Variants in MDGA2 observed in about 807,000 individuals in gnomAD.
MDGA2 encodes MAM domain containing glycosylphosphatidylinositol anchor 2.
In MDGA2, 40 loss-of-function variants were observed where a neutral mutation model predicts 117.8. The observed-to-expected ratio is 0.34, with a 90% CI of 0.26 to 0.44. MDGA2 has a LOEUF of 0.44. Ranked by LOEUF, MDGA2 falls within the 20% of genes least tolerant of loss-of-function variation. The pLI is 1.00. For synonymous variants in MDGA2, 452 were observed against 439.0 expected (o/e 1.03, Z -0.37); for missense variants, 1,123 against 1,250.6 (o/e 0.90, Z 1.54).
intron 1 of MDGA2, among the ~76,000 whole-genome samples, chr14:47,317,479 T>A (rs1889842763): frequency 6.6e-6 from 1 of 152,268 alleles, no homozygotes; most frequent in East Asian, 1.9e-4. Flanking sequence ...AGATGGAGAC[T>A]GCTGACAATG....
chr14:46,894,770 A>C (rs898991718), intron 10 of MDGA2, among the ~76,000 whole-genome samples: 4 of 152,200 alleles, frequency 2.6e-5, no homozygotes, highest in Non-Finnish European at 5.9e-5. Flanking sequence ...GCAAAACAAC[A>C]TTGAAAACCA....
At chr14:47,093,166 C>A (rs1879766101) in intron 6 of MDGA2, among the ~76,000 whole-genome samples, 1 of 151,858 alleles carries the variant, frequency 6.6e-6, no homozygotes, top group Non-Finnish European at 1.5e-5. Flanking sequence ...AGCTCTCCAG[C>A]CAAAGTGGAC....
chr14:47,550,696 A>G (rs1050768886), intron 1 of MDGA2, among the ~76,000 whole-genome samples: 1 of 152,166 alleles, frequency 6.6e-6, no homozygotes, highest in African/African-American at 2.4e-5. Flanking sequence ...GTCTCACTAT[A>G]TGAGACTGCA....
At chr14:47,214,057 A>G (rs1439991592) in intron 3 of MDGA2, among the ~76,000 whole-genome samples, 1 of 152,014 alleles carries the variant, frequency 6.6e-6, no homozygotes, top group African/African-American at 2.4e-5. Flanking sequence ...ATCTCATAAA[A>G]ACTCACTATC....
intron 1 of MDGA2, among the ~76,000 whole-genome samples, chr14:47,537,573 TTAAAAAAAAAAAAAAAAAAAAAAAAAA>T (rs1895244373): frequency 1.8e-5 from 1 of 57,110 alleles, no homozygotes; most frequent in Admixed American, 2.3e-4. Context: ...CTTCTCTCTG[TTAAAAAAAAAAAAAAAAAAAAAAAAAA>T]AAAAAAAAAA....
At chr14:47,078,883 C>T (rs1373072707) in intron 6 of MDGA2, among the ~76,000 whole-genome samples, 2 of 152,102 alleles carry the variant, frequency 1.3e-5, no homozygotes, top group African/African-American at 4.8e-5. Context: ...AGAGACCTCT[C>T]TGGGCTTATT....
At chr14:46,970,605 TA>T (rs1442554894) in intron 8 of MDGA2, among the ~76,000 whole-genome samples, 2 of 151,948 alleles carry the variant, frequency 1.3e-5, no homozygotes, top group African/African-American at 4.8e-5. Flanking sequence ...GAAAACAACA[TA>T]GGGGAAACAC....
chr14:47,064,949 G>A (rs528526611), intron 6 of MDGA2, among the ~76,000 whole-genome samples: 28 of 152,006 alleles, frequency 1.8e-4, no homozygotes, highest in African/African-American at 6.5e-4. Context: ...AGACTCTATA[G>A]AACTAAACAA....
intron 14 of MDGA2, among the ~76,000 whole-genome samples, chr14:46,860,314 A>T (rs1881458213): frequency 6.6e-6 from 1 of 151,986 alleles, no homozygotes; most frequent in South Asian, 2.1e-4. Context: ...ATTATATAAA[A>T]TATTCAACTA....
chr14:47,320,413 G>T (rs1889945706), intron 1 of MDGA2, among the ~76,000 whole-genome samples: 1 of 152,034 alleles, frequency 6.6e-6, no homozygotes, highest in South Asian at 2.1e-4. Context: ...AGAAAGATGG[G>T]ATGCTTACAG....
At chr14:47,563,507 C>T (rs1895853656) in intron 1 of MDGA2, among the ~76,000 whole-genome samples, 1 of 148,148 alleles carries the variant, frequency 6.8e-6, no homozygotes, top group Non-Finnish European at 1.5e-5. Context: ...CCTTCTTCAC[C>T]TTTAAAAAAA....
intron 9 of MDGA2, among the ~76,000 whole-genome samples, chr14:46,944,435 G>T (rs896937282): frequency 6.6e-6 from 1 of 151,510 alleles, no homozygotes. Context: ...GTATTCTTAC[G>T]TGTGGTTTTC....
chr14:47,176,862 G>A (rs1884477121), intron 3 of MDGA2, among the ~76,000 whole-genome samples: 1 of 152,010 alleles, frequency 6.6e-6, no homozygotes, highest in Non-Finnish European at 1.5e-5. Context: ...GAGTGAACAG[G>A]CAACCTACAC....
intron 3 of MDGA2, among the ~76,000 whole-genome samples, chr14:47,211,046 C>A (rs1292063137): frequency 6.6e-6 from 1 of 152,074 alleles, no homozygotes; most frequent in Non-Finnish European, 1.5e-5. Context: ...ACATAAATGG[C>A]AGATCATCAT....
At chr14:47,480,412 G>T (rs947929624) in intron 1 of MDGA2, among the ~76,000 whole-genome samples, 1 of 151,874 alleles carries the variant, frequency 6.6e-6, no homozygotes, top group African/African-American at 2.4e-5. Context: ...AATACTTAAC[G>T]ATTTATCTAC....
At chr14:47,317,322 TTAAA>T (rs1411817317) in intron 1 of MDGA2, among the ~76,000 whole-genome samples, 1 of 152,170 alleles carries the variant, frequency 6.6e-6, no homozygotes, top group Non-Finnish European at 1.5e-5. Flanking sequence ...AACTTCCTCT[TTAAA>T]TAAACAGAGA....
chr14:47,578,855 A>G (rs1467225073), intron 1 of MDGA2, among the ~76,000 whole-genome samples: 1 of 152,108 alleles, frequency 6.6e-6, no homozygotes, highest in African/African-American at 2.4e-5. Context: ...TCCCTATGTT[A>G]TCCAGTTAGC....
At chr14:47,402,781 A>AACAC (rs374721868) in intron 1 of MDGA2, among the ~76,000 whole-genome samples, 1,975 of 151,864 alleles carry the variant, frequency 0.013, 48 homozygotes, top group African/African-American at 0.045. Context: ...GGAACACACA[A>AACAC]ACACACACAC....
intron 3 of MDGA2, among the ~76,000 whole-genome samples, chr14:47,156,451 T>C (rs1439227614): frequency 6.6e-6 from 1 of 152,182 alleles, no homozygotes; most frequent in Non-Finnish European, 1.5e-5. Context: ...CACTCGAGTT[T>C]CTCTAGTGAC....
Sources: allele counts gnomAD v4.1 joint callset (sites outside exome capture counted in the v4.1 genomes callset), GRCh38; gene constraint gnomAD v4.1.1; transcripts MANE v1.5; gene names NCBI Gene and HGNC (gene_info 2026-07-23, HGNC 2026-07-21).